KCNJ5: variants seen among roughly 807,000 people sequenced by gnomAD.
KCNJ5 encodes the protein G protein-activated inward rectifier potassium channel 4.
KCNJ5 carries 12 observed loss-of-function variants against 20.2 expected under a neutral mutation model. That is an observed-to-expected ratio of 0.59 (90% CI 0.38 to 0.96). KCNJ5 has a LOEUF of 0.96. Ranked by LOEUF, KCNJ5 falls within the 40% of genes least tolerant of loss-of-function variation. The pLI, the probability that KCNJ5 is intolerant of heterozygous loss-of-function variation, is 0.00. For missense variants in KCNJ5, 449 were observed against 557.6 expected (o/e 0.81, Z 1.96); for synonymous variants, 210 against 213.9 (o/e 0.98, Z 0.16).
At chr11:128,902,316 G>T (rs1944297995) in intron 1 of KCNJ5, 5 of 584,784 alleles carry the variant, frequency 8.6e-6, no homozygotes, top group Middle Eastern at 4.6e-4. Flanking sequence ...GCCCTCCTCT[G>T]GAAGGACTCA....
chr11:128,904,323 C>A, intron 1 of KCNJ5: 1 of 1,415,768 alleles, frequency 7.1e-7, no homozygotes, highest in South Asian at 1.3e-5. Flanking sequence ...TGCACCCTGG[C>A]CTCTCTCTCA....
In KCNJ5 at chr11:128,917,481, A is replaced by G. The variant is rs1040642958; in HGVS notation, c.*750A>G. The G allele has an allele frequency of 2.0e-5, 3 of 152,380 alleles. No individual in the cohort carries two copies. Among genetic ancestry groups the G allele is most frequent in the African/African-American group, 7.2e-5 (3 of 41,440 alleles). 9.4% of individuals were successfully genotyped at this position (152,380 alleles called of 1,614,324 possible). On this transcript the variant is annotated 3_prime_UTR_variant, in exon 3 of 3. Coordinates refer to ENST00000529694, the MANE Select transcript of KCNJ5 (RefSeq NM_000890.5). ...GCAGCTTCCTGGCCTACTCCCAATC[A>G]CACTGTGCCCTGCACCTCCCACCAA...
intron 1 of KCNJ5, among the ~76,000 whole-genome samples, chr11:128,895,729 C>A (rs149028310): frequency 6.6e-6 from 1 of 152,252 alleles, no homozygotes. Flanking sequence ...TGCCTGGGGG[C>A]GGGCAGAGCT....
At chr11:128,910,696 G>A (rs546915891) in intron 1 of KCNJ5, among the ~76,000 whole-genome samples, 2 of 152,270 alleles carry the variant, frequency 1.3e-5, no homozygotes, top group South Asian at 2.1e-4. Flanking sequence ...ATACATCCAT[G>A]TGCCGGGCTG....
chr11:128,905,066 G>A (rs552493663), intron 1 of KCNJ5, among the ~76,000 whole-genome samples: 4 of 152,370 alleles, frequency 2.6e-5, no homozygotes, highest in Admixed American at 2.6e-4. Context: ...GGGAAACCAG[G>A]ACTGGCCCCT....
chr11:128,895,396 C>T (rs1944161015), intron 1 of KCNJ5, among the ~76,000 whole-genome samples: 1 of 146,826 alleles, frequency 6.8e-6, no homozygotes, highest in Non-Finnish European at 1.5e-5. Context: ...CCCCCCCAAC[C>T]CCAGGGATGA....
chr11:128,900,209 A>C (rs1944251533), intron 1 of KCNJ5: 1 of 152,142 alleles, frequency 6.6e-6, no homozygotes, highest in Admixed American at 6.5e-5. Flanking sequence ...TTCTCCAAAG[A>C]ATTGAACTCC....
chr11:128,916,327 T>A (rs913521998), intron 2 of KCNJ5, 82 bp from the exon 3 acceptor site: 9 of 1,045,522 alleles, frequency 8.6e-6, no homozygotes, highest in Admixed American at 3.4e-5. Flanking sequence ...GATGGATGGA[T>A]GGATTGATGG....
chr11:128,895,385 C>G (rs76720533), intron 1 of KCNJ5, among the ~76,000 whole-genome samples: 3 of 103,654 alleles, frequency 2.9e-5, no homozygotes, highest in Non-Finnish European at 7.5e-5. Flanking sequence ...TGCCCCCACC[C>G]CCCCCCCAAC....
intron 1 of KCNJ5, among the ~76,000 whole-genome samples, chr11:128,908,634 A>G (rs1414179869): frequency 6.6e-6 from 1 of 152,228 alleles, no homozygotes; most frequent in African/African-American, 2.4e-5. Context: ...GTATGCAAGT[A>G]TGTTTAAAAA....
chr11:128,908,983 T>C (rs1160840468), intron 1 of KCNJ5, among the ~76,000 whole-genome samples: 1 of 152,240 alleles, frequency 6.6e-6, no homozygotes, highest in African/African-American at 2.4e-5. Context: ...CCCAAGCATT[T>C]TCCTCCTTGT....
intron 1 of KCNJ5, among the ~76,000 whole-genome samples, chr11:128,910,677 A>G (rs992092034): frequency 2.6e-5 from 4 of 152,228 alleles, no homozygotes; most frequent in Non-Finnish European, 4.4e-5. Flanking sequence ...CTCAGTAAGT[A>G]CTTTTTGAAT....
chr11:128,911,774 C>G lies in KCNJ5; in HGVS notation c.501C>G (p.Leu167=), dbSNP rs369456553. 8 of 1,614,102 alleles carry G rather than the reference C, an allele frequency of 5.0e-6. No homozygotes were observed. The African/African-American group carries it at 9.3e-5, about 19-fold the overall frequency. ...ITEKCPEGII[L]LLVQAILGSI... ...AGAAGTGTCCAGAGGGGATTATACT[C>G]CTCTTGGTCCAGGCCATCCTGGGCT... The change falls in exon 2 of 3, where the codon CTC becomes CTG. Residue 167 remains leucine, a synonymous_variant. Transcript: ENST00000529694. This position sits in a 1 kb window ranked among gnomAD's most constrained non-coding sequence, Gnocchi z 6.3.
intron 1 of KCNJ5, chr11:128,900,774 G>C (rs1024195953): frequency 1.3e-5 from 2 of 152,202 alleles, no homozygotes; most frequent in Non-Finnish European, 2.9e-5. Context: ...CTACAAAAGG[G>C]GACTAATGTG....
rs180813128 is a variant in KCNJ5, at chr11:128,903,032, C to T, written c.-10-8232C>T. Among the ~76,000 whole-genome samples the T allele has an allele frequency of 2.9e-3, 449 of 152,240 alleles. 9 individuals are homozygous for T. Among genetic ancestry groups the T allele is most frequent in the Non-Finnish European group, 2.4e-3 (162 of 68,014 alleles). The stretch of plus-strand genomic sequence containing the variant: ...GGAGGATCTTGCAGTACTGGCTCCA[C>T]GGCATGGCAAGGCAATAATGAACTA... On this transcript the variant is annotated intron_variant, in intron 1 of 2. Transcript: ENST00000529694.
intron 1 of KCNJ5, among the ~76,000 whole-genome samples, chr11:128,893,256 C>T (rs12799742): frequency 0.29 from 43,848 of 151,968 alleles, 6,495 homozygotes; most frequent in African/African-American, 0.34. Flanking sequence ...ATAAGGCCTT[C>T]AGTGGGAGGC....
Position 128,903,436 on chromosome 11 carries a change from G to A in KCNJ5, c.-10-7828G>A, listed in dbSNP as rs370054655. 1.7e-5 allele frequency: 27 copies of A among 1,614,202 alleles called. 2 individuals are homozygous for A. In the South Asian group the frequency reaches 2.9e-4, roughly 17 times the overall value. On this transcript the variant is annotated intron_variant, in intron 1 of 2. Transcript: ENST00000529694. The stretch of plus-strand genomic sequence containing the variant: ...AGACTCACAGGTTCTGGTTACTATG[G>A]CATGCACATCCTGCCCAGCTGAGAA...
At chr11:128,913,607 G>A (rs1480358807) in intron 2 of KCNJ5, among the ~76,000 whole-genome samples, 1 of 148,524 alleles carries the variant, frequency 6.7e-6, no homozygotes, top group Non-Finnish European at 1.5e-5. Flanking sequence ...CAGGTACAAT[G>A]AGCAGCTGGT....
At position 128,891,441 on chromosome 11, in the gene KCNJ5, C is replaced by A. The variant is rs10893931; in HGVS notation, c.-291C>A. ...ACACACACACACACACACACACACA[C>A]AGAGAGAGAGAGAGAGAGAGAGAGA... On this transcript the variant is annotated 5_prime_UTR_variant, in exon 1 of 3. Coordinates refer to ENST00000529694, the MANE Select transcript of KCNJ5 (RefSeq NM_000890.5). 7 of 54,936 alleles carry A rather than the reference C, an allele frequency of 1.3e-4. No homozygotes were observed. The East Asian group carries it at 2.2e-3, about 18-fold the overall frequency. 3.4% of individuals were successfully genotyped at this position (54,936 alleles called of 1,614,324 possible).
Sources: allele counts gnomAD v4.1 joint callset (sites outside exome capture counted in the v4.1 genomes callset), GRCh38; gene constraint gnomAD v4.1.1; non-coding constraint Gnocchi (gnomAD v3.1); transcripts MANE v1.5; gene names NCBI Gene and HGNC (gene_info 2026-07-23, HGNC 2026-07-21).